The following DNAJB4 variants were observed in gnomAD, a reference collection of about 807,000 sequenced individuals.
DNAJB4 encodes the protein DnaJ heat shock protein family (Hsp40) member B4.
DNAJB4 carries 10 observed loss-of-function variants against 26.6 expected under a neutral mutation model. That is an observed-to-expected ratio of 0.38 (90% CI 0.23 to 0.64). The LOEUF (loss-of-function observed/expected upper bound fraction) is 0.64. DNAJB4 is among the 30% of genes least tolerant of loss of function. DNAJB4 has a pLI of 0.58. For synonymous variants in DNAJB4, 136 were observed against 134.8 expected (o/e 1.01, Z -0.06); for missense variants, 328 against 408.2 (o/e 0.80, Z 1.69).
At position 78,011,277 on chromosome 1, in the gene DNAJB4, C is replaced by T. The variant is rs947090072; in HGVS notation, c.212-1774C>T. On this transcript the variant is annotated intron_variant, in intron 1 of 2. Transcript: ENST00000370763. ...ACTGTTCACAAGAGACAGAAATAAC[C>T]CATATAGAGGCCTTACGTGTCAAAG... Among the ~76,000 whole-genome samples, 5 of 152,022 alleles carry T rather than the reference C, an allele frequency of 3.3e-5. No individual in the cohort carries two copies. The East Asian group carries it at 9.6e-4, about 29-fold the overall frequency.
chr1:78,006,171 A>G (rs1006195831), intron 1 of DNAJB4, among the ~76,000 whole-genome samples: 1 of 152,210 alleles, frequency 6.6e-6, no homozygotes, highest in African/African-American at 2.4e-5. Flanking sequence ...TGTGAGATCA[A>G]AAACTAGTGA....
At chr1:78,003,029 A>G (rs964833001), upstream of DNAJB4, among the ~76,000 whole-genome samples, 1 of 148,956 alleles carries the variant, frequency 6.7e-6, no homozygotes, top group Non-Finnish European at 1.5e-5. Flanking sequence ...ATAAGTGTCT[A>G]TTTTTTTTTT....
chr1:77,997,791 TTTC>T (rs981118218), intron 1 of DNAJB4, among the ~76,000 whole-genome samples: 2 of 152,054 alleles, frequency 1.3e-5, no homozygotes, highest in African/African-American at 2.4e-5. Context: ...TAACTTTTTT[TTTC>T]TTCTTTTCTT....
At chr1:78,014,723 C>T (rs1041696350) in intron 2 of DNAJB4, among the ~76,000 whole-genome samples, 2 of 152,064 alleles carry the variant, frequency 1.3e-5, no homozygotes, top group Non-Finnish European at 2.9e-5. Flanking sequence ...GCCTCAGGTT[C>T]CTGAGTAGCT....
At chr1:78,007,583 AAAAAG>A (rs1177039073) in intron 1 of DNAJB4, among the ~76,000 whole-genome samples, 3 of 152,230 alleles carry the variant, frequency 2.0e-5, no homozygotes, top group Admixed American at 1.3e-4. Flanking sequence ...CTCATCTCAA[AAAAAG>A]AAAAGGAAAA....
chr1:78,012,921 G>C, intron 1 of DNAJB4, 130 bp from the exon 2 acceptor site: 1 of 665,338 alleles, frequency 1.5e-6, no homozygotes, highest in Admixed American at 3.3e-5. Flanking sequence ...ATTTAGTAAA[G>C]TGGCATTTCT....
Position 78,005,321 on chromosome 1 carries a change from G to A in DNAJB4, c.211G>A (p.Gly71Arg). ...REIYDQFGEE[G>R]LKGGAGGTDG... ...AATATATGATCAGTTTGGGGAGGAAGGTAAGTATTCTCTGTATATCTTTCT... is the reference window on the plus strand; with the variant it reads ...AATATATGATCAGTTTGGGGAGGAAAGTAAGTATTCTCTGTATATCTTTCT... Residue 71 changes from glycine (G) to arginine (R), a missense_variant and splice_region_variant, in exon 1 of 3, where the codon GGG becomes AGG. Coordinates refer to ENST00000370763, the MANE Select transcript of DNAJB4 (RefSeq NM_007034.5). 1 of 1,609,714 alleles carries A rather than the reference G, an allele frequency of 6.2e-7. No homozygotes were observed. The highest frequency in any genetic ancestry group is 1.1e-5 in the South Asian group (1 of 90,392).
At chr1:78,006,719 A>G (rs948706440) in intron 1 of DNAJB4, among the ~76,000 whole-genome samples, 1 of 152,200 alleles carries the variant, frequency 6.6e-6, no homozygotes, top group Non-Finnish European at 1.5e-5. Flanking sequence ...GGGCAGTTCA[A>G]TCTTGCATGA....
chr1:78,011,242 C>T (rs1284432355), intron 1 of DNAJB4, among the ~76,000 whole-genome samples: 3 of 151,988 alleles, frequency 2.0e-5, no homozygotes, highest in Non-Finnish European at 4.4e-5. Flanking sequence ...TATATTGTTG[C>T]CTGAGGTGGA....
At chr1:77,998,559 G>C (rs528128936) in intron 1 of DNAJB4, among the ~76,000 whole-genome samples, 125 of 152,300 alleles carry the variant, frequency 8.2e-4, no homozygotes, top group African/African-American at 3.0e-3. Context: ...AAATTTCTCA[G>C]CTGAGTGCGG....
At chr1:77,986,666 C>G (rs1052662521) in intron 1 of DNAJB4, among the ~76,000 whole-genome samples, 1 of 152,178 alleles carries the variant, frequency 6.6e-6, no homozygotes, top group Non-Finnish European at 1.5e-5. Context: ...AATTCTTTAA[C>G]CTTTTTTGAG....
At chr1:78,015,080 C>T (rs952818657) in intron 2 of DNAJB4, among the ~76,000 whole-genome samples, 1 of 152,136 alleles carries the variant, frequency 6.6e-6, no homozygotes, top group African/African-American at 2.4e-5. Flanking sequence ...CCATGCTTAC[C>T]TCTGTTCTTA....
At chr1:77,987,867 GT>G (rs1320181807) in intron 1 of DNAJB4, among the ~76,000 whole-genome samples, 1 of 150,378 alleles carries the variant, frequency 6.6e-6, no homozygotes, top group African/African-American at 2.4e-5. Context: ...TTTTGAGTTT[GT>G]TTAGTCTTTG....
In DNAJB4 at chr1:77,990,185, C is replaced by T. The variant is rs757154053; in HGVS notation, c.-32+9863C>T. ...TTGGTATGTAACCAGCAGTGTCTGC[C>T]GTAGCATTCTCACCTGGTTGATCTC... On this transcript the variant is annotated intron_variant, in intron 1 of 2. Transcript: ENST00000426517. Among the ~76,000 whole-genome samples, 15 of 152,288 alleles carry T rather than the reference C, an allele frequency of 9.8e-5. 1 individual carries two copies. Among genetic ancestry groups the T allele is most frequent in the South Asian group, 2.1e-4 (1 of 4,826 alleles).
upstream of DNAJB4, among the ~76,000 whole-genome samples, chr1:78,002,267 A>C (rs999964660): frequency 6.6e-6 from 1 of 152,136 alleles, no homozygotes; most frequent in Non-Finnish European, 1.5e-5. Flanking sequence ...AATTATTTGC[A>C]GGAATGACAA....
chr1:78,017,857 T>C lies in DNAJB4; in HGVS notation c.*1610T>C, dbSNP rs1203521311. On this transcript the variant is annotated 3_prime_UTR_variant, in exon 3 of 3. Coordinates refer to ENST00000370763, the MANE Select transcript of DNAJB4 (RefSeq NM_007034.5). ...TATCACGTATCAGTACTTTATTTTT[T>C]GTGTGGCACGTCATATGGATATACC... 1.3e-5 allele frequency: 2 copies of C among 152,188 alleles called. No individual in the cohort carries two copies. The highest frequency in any genetic ancestry group is 3.9e-4 in the East Asian group (2 of 5,190). 9.4% of individuals were successfully genotyped at this position (152,188 alleles called of 1,614,324 possible).
At chr1:78,009,100 T>C (rs1476398357) in intron 1 of DNAJB4, among the ~76,000 whole-genome samples, 4 of 152,178 alleles carry the variant, frequency 2.6e-5, no homozygotes, top group Admixed American at 6.5e-5. Context: ...TATATTTAGC[T>C]AGCTGGATTT....
chr1:78,017,750 G>C lies in DNAJB4; in HGVS notation c.*1503G>C, dbSNP rs964930644. On this transcript the variant is annotated 3_prime_UTR_variant, in exon 3 of 3. Coordinates refer to ENST00000370763, the MANE Select transcript of DNAJB4 (RefSeq NM_007034.5). ...CTGTTCTGGACATTTCACATAAATA[G>C]ACTCAAACAATATATGGCTTTTTTT... 3.5e-5 allele frequency: 5 copies of C among 144,076 alleles called. No individual in the cohort carries two copies. The highest frequency in any genetic ancestry group is 1.3e-4 in the African/African-American group (5 of 38,754). 8.9% of individuals were successfully genotyped at this position (144,076 alleles called of 1,614,324 possible).
chr1:77,983,704 G>A (rs1397849695), intron 1 of DNAJB4, among the ~76,000 whole-genome samples: 1 of 152,116 alleles, frequency 6.6e-6, no homozygotes. Context: ...CACAGGGTTG[G>A]GGGTAAGGTT....
Sources: gnomAD v4.1 joint callset for allele counts (sites outside exome capture counted in the v4.1 genomes callset) on GRCh38, gnomAD v4.1.1 for gene constraint, MANE v1.5 for transcripts, NCBI Gene and HGNC (gene_info 2026-07-23, HGNC 2026-07-21) for gene names.